The following EGFR variants were observed in gnomAD, a reference collection of about 807,000 sequenced individuals.
EGFR encodes epidermal growth factor receptor.
EGFR carries 58 observed loss-of-function variants against 143.0 expected under a neutral mutation model. The ratio of observed to expected loss-of-function variants is 0.41; its 90% CI spans 0.33 to 0.50. The LOEUF is 0.50. Among genes scored for constraint, EGFR ranks in the 20% least tolerant of loss-of-function variants. The probability of loss-of-function intolerance (pLI) is 0.39; values close to 1 mark genes in which losing one functional copy is unlikely to be tolerated. For missense variants in EGFR, 1,307 were observed against 1,579.0 expected (o/e 0.83, Z 2.92); for synonymous variants, 613 against 594.4 (o/e 1.03, Z -0.45).
At chr7:55,087,273 T>TAAAAAAAAAAAAAAAAAA (rs373915835) in intron 1 of EGFR, among the ~76,000 whole-genome samples, 2 of 102,118 alleles carry the variant, frequency 2.0e-5, no homozygotes, top group Non-Finnish European at 3.7e-5. Flanking sequence ...TCTCAATTGT[T>TAAAAAAAAAAAAAAAAAA]AAAAAAAAAA....
At chr7:55,177,251 A>G (rs1310915805) in intron 19 of EGFR, among the ~76,000 whole-genome samples, 1 of 152,106 alleles carries the variant, frequency 6.6e-6, no homozygotes, top group Non-Finnish European at 1.5e-5. Context: ...ACTGGGATGG[A>G]GAGGGGGAAG....
rs35171442 is a variant in EGFR, at chr7:55,065,830, CT to C, written c.88+46483del. ...GACAACATAGTAAGTGACTAAGTGG[CT>C]TTTTTTTTTTTTTTTTTGCCAAGTG... On this transcript the variant is annotated intron_variant, in intron 1 of 27. Coordinates refer to ENST00000275493, the MANE Select transcript of EGFR (RefSeq NM_005228.5). Among the ~76,000 whole-genome samples, 217 of 120,462 alleles carry C rather than the reference CT, an allele frequency of 1.8e-3. 1 individual carries two copies. The highest frequency in any genetic ancestry group is 8.3e-3 in the Middle Eastern group (2 of 240). The allele number at this position is 120,462 out of a possible 152,430, so 79.0% of individuals were successfully genotyped here.
At chr7:55,204,559 CCACA>C (rs1788023358) in intron 27 of EGFR, among the ~76,000 whole-genome samples, 1 of 136,622 alleles carries the variant, frequency 7.3e-6, no homozygotes, top group African/African-American at 2.8e-5. Flanking sequence ...CACATACACA[CCACA>C]CACATACACA....
intron 20 of EGFR, among the ~76,000 whole-genome samples, chr7:55,191,371 A>T (rs1164809187): frequency 7.1e-6 from 1 of 140,900 alleles, no homozygotes; most frequent in Non-Finnish European, 1.5e-5. Flanking sequence ...CCCCACCCCC[A>T]CTTTGCAGAT....
intron 1 of EGFR, among the ~76,000 whole-genome samples, chr7:55,048,401 C>T (rs1788300548): frequency 6.6e-6 from 1 of 152,208 alleles, no homozygotes; most frequent in Admixed American, 6.5e-5. Context: ...GGGAATGCCC[C>T]ATGGCCTCTG....
At chr7:55,051,042 C>A (rs1583913473) in intron 1 of EGFR, among the ~76,000 whole-genome samples, 1 of 152,162 alleles carries the variant, frequency 6.6e-6, no homozygotes, top group Non-Finnish European at 1.5e-5. Context: ...TCCATTCATT[C>A]TGGGAATCCT....
At chr7:55,155,752 G>T in intron 7 of EGFR, 78 bp from the exon 8 acceptor site, 1 of 1,095,312 alleles carries the variant, frequency 9.1e-7, no homozygotes, top group South Asian at 1.2e-5. Context: ...CACCCCTCAA[G>T]AGGACCTGGA....
At chr7:55,142,551 C>A in intron 2 of EGFR, 114 bp downstream of exon 2, 2 of 1,327,110 alleles carry the variant, frequency 1.5e-6, no homozygotes, top group Non-Finnish European at 2.1e-6. Flanking sequence ...AATGACAAGT[C>A]TTACAGAGCT....
At chr7:55,160,535 A>G (rs1041346147) in intron 12 of EGFR, among the ~76,000 whole-genome samples, 197 bp downstream of exon 12, 1 of 152,246 alleles carries the variant, frequency 6.6e-6, no homozygotes, top group African/African-American at 2.4e-5. Flanking sequence ...TTACCATTCA[A>G]TGGGATGAAT....
At chr7:55,032,454 G>A (rs1438191513) in intron 1 of EGFR, among the ~76,000 whole-genome samples, 4 of 152,124 alleles carry the variant, frequency 2.6e-5, no homozygotes, top group Non-Finnish European at 5.9e-5. Context: ...TATGTAGAAC[G>A]GCACCAGCAC....
In EGFR at chr7:55,149,279, A is replaced by C. The variant is rs550243285; in HGVS notation, c.560-2015A>C. On this transcript the variant is annotated intron_variant, in intron 4 of 27. Coordinates refer to ENST00000275493, the MANE Select transcript of EGFR (RefSeq NM_005228.5). The stretch of plus-strand genomic sequence containing the variant: ...CACTCTGTGAAGTCATCTTTAAAAG[A>C]CTAAGAAAAAGATGAATCTCTTAAT... Among the ~76,000 whole-genome samples the C allele has an allele frequency of 2.6e-5, 4 of 152,264 alleles. No individual in the cohort carries two copies. In the East Asian group the frequency reaches 7.7e-4, roughly 29 times the overall value.
intron 5 of EGFR, among the ~76,000 whole-genome samples, chr7:55,151,694 GA>G: frequency 6.6e-6 from 1 of 152,272 alleles, no homozygotes; most frequent in Admixed American, 6.5e-5. Context: ...TTAACACAGT[GA>G]AACCTCGTCT....
At chr7:55,019,958 G>C (rs1273120427) in intron 1 of EGFR, among the ~76,000 whole-genome samples, 1 of 152,218 alleles carries the variant, frequency 6.6e-6, no homozygotes, top group Non-Finnish European at 1.5e-5. Flanking sequence ...AACTGAAGCC[G>C]GCGCCCGCCA....
At chr7:55,189,304 G>A (rs1787284023) in intron 20 of EGFR, among the ~76,000 whole-genome samples, 1 of 152,164 alleles carries the variant, frequency 6.6e-6, no homozygotes. Context: ...CTGGACCCCA[G>A]GTCATCTAAC....
At chr7:55,202,815 G>T (rs991765396) in intron 27 of EGFR, 190 bp downstream of exon 27, 8 of 703,354 alleles carry the variant, frequency 1.1e-5, no homozygotes, top group Non-Finnish European at 2.1e-5. Context: ...CAAGCTCTTT[G>T]TTGTGTCTGG....
chr7:55,164,242 C>A (rs1301105655), intron 14 of EGFR, among the ~76,000 whole-genome samples: 1 of 152,132 alleles, frequency 6.6e-6, no homozygotes, highest in Non-Finnish European at 1.5e-5. Context: ...AACTTTGTAT[C>A]TATATGTTCA....
At chr7:55,162,533 C>T (rs1038012495) in intron 13 of EGFR, among the ~76,000 whole-genome samples, 1 of 152,246 alleles carries the variant, frequency 6.6e-6, no homozygotes, top group Non-Finnish European at 1.5e-5. Context: ...ATCCTTACAG[C>T]TACAAATGGA....
rs17172453 is a variant in EGFR, at chr7:55,176,001, C to T, written c.2283+1181C>T. On this transcript the variant is annotated intron_variant, in intron 19 of 27. Transcript: ENST00000275493. ...CAAGAAAAATTAGCTTTCATTTTAA[C>T]GGTTTACAAATTGAGTCAAGTCCTA... is the stretch of plus-strand genomic sequence containing the variant. 6.6e-3 allele frequency among the ~76,000 whole-genome samples: 1,012 copies of T among 152,258 alleles called. 10 individuals are homozygous for T. Among genetic ancestry groups the T allele is most frequent in the African/African-American group, 0.023 (947 of 41,550 alleles).
chr7:55,204,242 C>A (rs1252919376), intron 27 of EGFR, among the ~76,000 whole-genome samples: 1 of 148,576 alleles, frequency 6.7e-6, no homozygotes. Flanking sequence ...ACACACACAC[C>A]ACACACACAT....
Sources: gnomAD v4.1 joint callset for allele counts (sites outside exome capture counted in the v4.1 genomes callset) on GRCh38, gnomAD v4.1.1 for gene constraint, MANE v1.5 for transcripts, NCBI Gene and HGNC (gene_info 2026-07-23, HGNC 2026-07-21) for gene names.